Variants in TMPRSS9 observed in about 807,000 individuals in gnomAD.
TMPRSS9 encodes transmembrane serine protease 9.
In TMPRSS9, 113 loss-of-function variants were observed where a neutral mutation model predicts 111.4. The ratio of observed to expected loss-of-function variants is 1.01; its 90% CI spans 0.87 to 1.19. TMPRSS9 has a LOEUF of 1.19. Among genes scored for constraint, TMPRSS9 ranks in the 50% most tolerant of loss-of-function variants. The pLI is 0.00. For missense variants in TMPRSS9, 1,803 were observed against 1,513.1 expected (o/e 1.19, Z -3.18); for synonymous variants, 805 against 659.1 (o/e 1.22, Z -3.39).
At chr19:2,392,040 T>C (rs1229907731) in intron 1 of TMPRSS9, among the ~76,000 whole-genome samples, 1 of 151,526 alleles carries the variant, frequency 6.6e-6, no homozygotes, top group Non-Finnish European at 1.5e-5. Flanking sequence ...CCACGCCCCA[T>C]CAGGAAGTCT....
At chr19:2,374,075 GCAGTGCTTTATAA>G (rs1273024816) in intron 1 of TMPRSS9, among the ~76,000 whole-genome samples, 13 of 151,954 alleles carry the variant, frequency 8.6e-5, no homozygotes, top group Admixed American at 6.6e-4. Flanking sequence ...GCAAATCTGG[GCAGTGCTTTATAA>G]CATTTTCCCG....
intron 1 of TMPRSS9, among the ~76,000 whole-genome samples, chr19:2,371,165 C>T (rs1329354618): frequency 5.3e-5 from 8 of 152,140 alleles, no homozygotes; most frequent in East Asian, 1.9e-4. Flanking sequence ...ATTAAGGACA[C>T]GCTGGCCCTA....
At chr19:2,415,586 AC>A in intron 10 of TMPRSS9, 83 bp from the exon 12 acceptor site, 1 of 1,285,230 alleles carries the variant, frequency 7.8e-7, no homozygotes. Context: ...CCTGGCTGCA[AC>A]CGGTGTCCTG....
At chr19:2,389,650 G>C, upstream of TMPRSS9, 1 of 1,078,380 alleles carries the variant, frequency 9.3e-7, no homozygotes, top group Admixed American at 2.7e-5. Flanking sequence ...TGACAGGCGT[G>C]AGCCACCGCG....
chr19:2,400,015 C>G (rs1970796877), intron 4 of TMPRSS9, among the ~76,000 whole-genome samples: 1 of 152,188 alleles, frequency 6.6e-6, no homozygotes, highest in African/African-American at 2.4e-5. Flanking sequence ...TAGGTGTGAG[C>G]CACGTGCCCA....
At chr19:2,423,165 C>G (rs1017009674) in intron 14 of TMPRSS9, among the ~76,000 whole-genome samples, 11 of 151,884 alleles carry the variant, frequency 7.2e-5, no homozygotes, top group African/African-American at 2.4e-4. Context: ...TCATGTAGGT[C>G]TGTCCCTGCA....
intron 1 of TMPRSS9, among the ~76,000 whole-genome samples, chr19:2,393,839 A>C (rs1001218661): frequency 3.5e-5 from 5 of 143,438 alleles, no homozygotes; most frequent in Admixed American, 1.5e-4. Flanking sequence ...TGGAGGTTGC[A>C]GTGAGCCGAG....
At chr19:2,376,373 A>C (rs1278305804) in intron 1 of TMPRSS9, among the ~76,000 whole-genome samples, 1 of 152,128 alleles carries the variant, frequency 6.6e-6, no homozygotes, top group East Asian at 1.9e-4. Context: ...TGGCCATGGA[A>C]GGCACCACAT....
At chr19:2,382,051 G>C (rs1324466745) in intron 1 of TMPRSS9, among the ~76,000 whole-genome samples, 1 of 151,870 alleles carries the variant, frequency 6.6e-6, no homozygotes, top group Non-Finnish European at 1.5e-5. Flanking sequence ...TATGTTGTCA[G>C]GCTGGTCTCG....
chr19:2,372,007 G>T (rs1433217725), intron 1 of TMPRSS9, among the ~76,000 whole-genome samples: 1 of 152,178 alleles, frequency 6.6e-6, no homozygotes, highest in African/African-American at 2.4e-5. Context: ...TTCAAGCTGG[G>T]ATTATAGGCG....
intron 6 of TMPRSS9, among the ~76,000 whole-genome samples, chr19:2,403,729 C>T (rs190124044): frequency 3.3e-5 from 5 of 151,760 alleles, no homozygotes; most frequent in Non-Finnish European, 5.9e-5. Flanking sequence ...CACGGTGGCT[C>T]ACACCTGTAA....
chr19:2,417,700 C>T (rs190507792), intron 12 of TMPRSS9, among the ~76,000 whole-genome samples: 225 of 152,208 alleles, frequency 1.5e-3, no homozygotes, highest in Non-Finnish European at 2.5e-3. Context: ...TAGTCTATCC[C>T]GAGACCCCTC....
At chr19:2,412,583 A>G (rs1237039561) in intron 9 of TMPRSS9, among the ~76,000 whole-genome samples, 1 of 151,798 alleles carries the variant, frequency 6.6e-6, no homozygotes, top group Non-Finnish European at 1.5e-5. Context: ...TCCCTTTTCT[A>G]CCCCAACCAA....
At chr19:2,417,247 T>C (rs1488683951) in intron 12 of TMPRSS9, among the ~76,000 whole-genome samples, 1 of 152,002 alleles carries the variant, frequency 6.6e-6, no homozygotes, top group East Asian at 1.9e-4. Context: ...GGGTGGATCA[T>C]TTGAGGTCAG....
intron 1 of TMPRSS9, among the ~76,000 whole-genome samples, chr19:2,391,260 G>C (rs1318304270): frequency 1.6e-5 from 1 of 60,636 alleles, no homozygotes; most frequent in Non-Finnish European, 3.3e-5. Context: ...AAAAAAAAAA[G>C]TTAATTTTAA....
intron 1 of TMPRSS9, among the ~76,000 whole-genome samples, chr19:2,382,785 G>A (rs1454219414): frequency 1.3e-5 from 2 of 152,000 alleles, no homozygotes; most frequent in African/African-American, 2.4e-5. Context: ...ACACACAGAT[G>A]CACACCCGCA....
intron 4 of TMPRSS9, 71 bp from the exon 6 acceptor site, chr19:2,401,904 G>C (rs368890181): frequency 1.4e-6 from 2 of 1,417,290 alleles, no homozygotes; most frequent in Non-Finnish European, 1.9e-6. Context: ...CACCGCGCCC[G>C]GCCAATAGGA....
chr19:2,395,956 C>G (rs140161804), intron 1 of TMPRSS9, among the ~76,000 whole-genome samples: 1 of 151,938 alleles, frequency 6.6e-6, no homozygotes, highest in Non-Finnish European at 1.5e-5. Context: ...TGCAGTGAGC[C>G]GAGATTGCGC....
chr19:2,410,916 C>T (rs1971081366), intron 9 of TMPRSS9, among the ~76,000 whole-genome samples: 2 of 152,090 alleles, frequency 1.3e-5, no homozygotes, highest in South Asian at 2.1e-4. Flanking sequence ...TTCTCTCCGT[C>T]TGTATGGGAA....
Sources: allele counts gnomAD v4.1 joint callset (sites outside exome capture counted in the v4.1 genomes callset), GRCh38; gene constraint gnomAD v4.1.1; transcripts MANE v1.5; gene names NCBI Gene and HGNC (gene_info 2026-07-23, HGNC 2026-07-21).